AFG2A: variants seen among roughly 807,000 people sequenced by gnomAD.
AFG2A encodes the protein AAA ATPase AFG2A, also known as ATPase family gene 2 protein homolog A.
At chr4:123,100,699 G>C in the AFG2A span, among the ~76,000 whole-genome samples, 1 of 151,848 alleles carries the variant, frequency 6.6e-6, no homozygotes, top group Non-Finnish European at 1.5e-5. Flanking sequence ...ATTGAATAAA[G>C]TCATCAGGAA....
At chr4:123,029,368 G>T in the AFG2A span, among the ~76,000 whole-genome samples, 2 of 151,984 alleles carry the variant, frequency 1.3e-5, no homozygotes, top group African/African-American at 2.4e-5. Context: ...GACTGCGTCT[G>T]GCCCAGAATG....
At chr4:122,980,536 A>G in the AFG2A span, among the ~76,000 whole-genome samples, 1 of 152,164 alleles carries the variant, frequency 6.6e-6, no homozygotes, top group Non-Finnish European at 1.5e-5. Flanking sequence ...GGATTGCTGA[A>G]TCTTTTGGTA....
chr4:122,954,961 C>G, the AFG2A span, among the ~76,000 whole-genome samples: 1 of 152,134 alleles, frequency 6.6e-6, no homozygotes, highest in Non-Finnish European at 1.5e-5. Context: ...GGGACCCCCC[C>G]TTGGATTTCC....
chr4:122,932,194 G>C, the AFG2A span, among the ~76,000 whole-genome samples: 144 of 151,972 alleles, frequency 9.5e-4, no homozygotes, highest in Middle Eastern at 0.01. Context: ...AGGATCACTT[G>C]AGCCTGTGAG....
At chr4:123,261,974 T>TCTCAC in the AFG2A span, among the ~76,000 whole-genome samples, 10,683 of 151,986 alleles carry the variant, frequency 0.07, 700 homozygotes, top group African/African-American at 0.17. Flanking sequence ...GTAGACATTG[T>TCTCAC]CATGTTGCCC....
chr4:123,118,515 A>G, the AFG2A span, among the ~76,000 whole-genome samples: 1 of 151,342 alleles, frequency 6.6e-6, no homozygotes, highest in African/African-American at 2.4e-5. Flanking sequence ...TGTAGGATGC[A>G]TGGATGAAGA....
chr4:122,988,187 G>T, the AFG2A span, among the ~76,000 whole-genome samples: 1 of 151,620 alleles, frequency 6.6e-6, no homozygotes, highest in East Asian at 1.9e-4. Context: ...TTTGTAATGA[G>T]TTGCTTTTTT....
At chr4:122,959,703 A>G in the AFG2A span, among the ~76,000 whole-genome samples, 1 of 152,222 alleles carries the variant, frequency 6.6e-6, no homozygotes, top group Non-Finnish European at 1.5e-5. Flanking sequence ...ATATGAATAC[A>G]AAACCTCTGT....
the AFG2A span, among the ~76,000 whole-genome samples, chr4:123,271,180 T>G: frequency 6.6e-6 from 1 of 152,222 alleles, no homozygotes; most frequent in Non-Finnish European, 1.5e-5. Flanking sequence ...AAAGAATTAC[T>G]TAGATATTCT....
the AFG2A span, among the ~76,000 whole-genome samples, chr4:123,219,288 A>G: frequency 2.0e-5 from 3 of 152,238 alleles, no homozygotes; most frequent in Non-Finnish European, 4.4e-5. Context: ...GAAAGCCAGA[A>G]GTCTCAGCAA....
chr4:123,294,556 G>A, the AFG2A span, among the ~76,000 whole-genome samples: 73 of 152,128 alleles, frequency 4.8e-4, no homozygotes, highest in South Asian at 2.1e-4. Flanking sequence ...AATGGTATGG[G>A]GCAAAGAAAA....
chr4:123,115,984 T>C, the AFG2A span, among the ~76,000 whole-genome samples: 3 of 152,092 alleles, frequency 2.0e-5, no homozygotes, highest in African/African-American at 7.2e-5. Context: ...ACTGCAGCCT[T>C]GACCTCATGG....
At chr4:123,209,004 G>A in the AFG2A span, among the ~76,000 whole-genome samples, 2 of 152,174 alleles carry the variant, frequency 1.3e-5, no homozygotes, top group Non-Finnish European at 2.9e-5. Flanking sequence ...TCCAGGGAGG[G>A]GAGAGGGGCT....
chr4:122,971,458 A>C, the AFG2A span, among the ~76,000 whole-genome samples: 1 of 152,280 alleles, frequency 6.6e-6, no homozygotes, highest in South Asian at 2.1e-4. Flanking sequence ...AGTTCTTTTG[A>C]GTTTTTTATC....
chr4:122,988,304 T>C, the AFG2A span, among the ~76,000 whole-genome samples: 1 of 151,540 alleles, frequency 6.6e-6, no homozygotes, highest in Non-Finnish European at 1.5e-5. Context: ...TTTATGGATT[T>C]AGATTTGAAT....
the AFG2A span, among the ~76,000 whole-genome samples, chr4:123,118,414 A>G: frequency 7.4e-5 from 11 of 147,930 alleles, no homozygotes; most frequent in African/African-American, 2.7e-4. Context: ...GCAGGAAACT[A>G]TGTATACCCT....
chr4:122,940,332 T>C, the AFG2A span, among the ~76,000 whole-genome samples: 1 of 152,178 alleles, frequency 6.6e-6, no homozygotes, highest in Admixed American at 6.5e-5. Flanking sequence ...TTCTAACTGG[T>C]GTGAGATGGT....
chr4:123,031,973 A>G, the AFG2A span, among the ~76,000 whole-genome samples: 14 of 152,300 alleles, frequency 9.2e-5, 1 homozygote, highest in Admixed American at 2.0e-4. Flanking sequence ...TACGTAAAAT[A>G]CTTTCCAGTT....
At chr4:123,174,819 T>TTAA in the AFG2A span, among the ~76,000 whole-genome samples, 8 of 143,232 alleles carry the variant, frequency 5.6e-5, no homozygotes, top group Non-Finnish European at 1.2e-4. Flanking sequence ...TGATCTTTTT[T>TTAA]AAAAAAAATA....
Sources: gnomAD v4.1 joint callset for allele counts (sites outside exome capture counted in the v4.1 genomes callset) on GRCh38, gnomAD v4.1.1 for gene constraint, MANE v1.5 for transcripts, NCBI Gene and HGNC (gene_info 2026-07-23, HGNC 2026-07-21) for gene names.